ARL15: variants seen among roughly 807,000 people sequenced by gnomAD.
ARL15 encodes the protein ARF like GTPase 15.
A neutral mutation model predicts 25.2 loss-of-function variants in ARL15; 19 were observed. The ratio of observed to expected loss-of-function variants is 0.75; its 90% CI spans 0.53 to 1.10. ARL15 has a LOEUF of 1.10. Among genes scored for constraint, ARL15 ranks in the 50% least tolerant of loss-of-function variants. The pLI, the probability that ARL15 is intolerant of heterozygous loss-of-function variation, is 0.00. For synonymous variants in ARL15, 94 were observed against 86.8 expected, an observed-to-expected ratio of 1.08 and a Z score of -0.46; for missense variants, 220 against 246.0, an observed-to-expected ratio of 0.89 and a Z score of 0.71.
At chr5:54,069,851 T>C (rs1454274185) in intron 4 of ARL15, among the ~76,000 whole-genome samples, 1 of 151,446 alleles carries the variant, frequency 6.6e-6, no homozygotes, top group African/African-American at 2.4e-5. Context: ...TTTTTTGTAC[T>C]TTTAGTGGAG....
At chr5:53,967,273 G>A (rs1694104) in intron 4 of ARL15, among the ~76,000 whole-genome samples, 47,600 of 151,916 alleles carry the variant, frequency 0.31, 9,017 homozygotes, top group Middle Eastern at 0.46. Flanking sequence ...TTAGACTTCC[G>A]TGTACACACA....
intron 1 of ARL15, among the ~76,000 whole-genome samples, chr5:54,306,443 T>C (rs1468652270): frequency 1.3e-5 from 2 of 149,014 alleles, no homozygotes; most frequent in Non-Finnish European, 3.0e-5. Context: ...TCGCCCAGGC[T>C]GGAGTGCAGT....
At chr5:53,971,153 T>G (rs1239579878) in intron 4 of ARL15, among the ~76,000 whole-genome samples, 1 of 152,116 alleles carries the variant, frequency 6.6e-6, no homozygotes, top group Non-Finnish European at 1.5e-5. Flanking sequence ...AAGAAAAAAG[T>G]GAAGACTCAA....
At chr5:54,140,784 A>C (rs115435613) in intron 3 of ARL15, among the ~76,000 whole-genome samples, 2 of 152,222 alleles carry the variant, frequency 1.3e-5, no homozygotes, top group Non-Finnish European at 2.9e-5. Context: ...GACTTATAGA[A>C]GATCAGCTGA....
chr5:54,114,674 T>C (rs114338718), intron 3 of ARL15, among the ~76,000 whole-genome samples: 1 of 152,250 alleles, frequency 6.6e-6, no homozygotes, highest in Non-Finnish European at 1.5e-5. Flanking sequence ...TCCCTTGTCA[T>C]GTATCTAATA....
intron 1 of ARL15, among the ~76,000 whole-genome samples, chr5:54,282,834 T>C (rs1758094142): frequency 6.6e-6 from 1 of 152,218 alleles, no homozygotes; most frequent in South Asian, 2.1e-4. Flanking sequence ...CTGAGATCCT[T>C]GGTCTCAGAA....
At chr5:54,051,419 A>T (rs966230094) in intron 4 of ARL15, among the ~76,000 whole-genome samples, 3 of 152,220 alleles carry the variant, frequency 2.0e-5, no homozygotes, top group Admixed American at 6.5e-5. Flanking sequence ...CCTTTGCTTT[A>T]ATAGTTTAAC....
chr5:53,886,579 A>G lies in ARL15; in HGVS notation c.597T>C (p.His199=), dbSNP rs1234989018. Residue 199 remains histidine (H), a synonymous_variant, in exon 5 of 5, where the codon CAT becomes CAC. Transcript: ENST00000504924. ...CCAGATTTCACATTCTTACAGCTTC[A>G]TGGTCTTTTTCTTCTAACAAATTAA... ...QLINLLEEKD[H]EAVRM 1.3e-6 allele frequency: 2 copies of G among 1,561,970 alleles called. No homozygotes were observed. The highest frequency in any genetic ancestry group is 1.7e-6 in the Non-Finnish European group (2 of 1,151,670).
At chr5:54,291,076 A>C (rs920198531) in intron 1 of ARL15, among the ~76,000 whole-genome samples, 3 of 152,230 alleles carry the variant, frequency 2.0e-5, no homozygotes, top group South Asian at 2.1e-4. Flanking sequence ...AGGTTCAAAA[A>C]AATTTCTATT....
intron 4 of ARL15, among the ~76,000 whole-genome samples, chr5:53,908,920 T>A (rs1357724942): frequency 6.6e-6 from 1 of 152,176 alleles, no homozygotes; most frequent in Non-Finnish European, 1.5e-5. Context: ...AAAGTTGACA[T>A]CAGATGGAAG....
At chr5:54,176,732 C>G (rs1289104687) in intron 1 of ARL15, among the ~76,000 whole-genome samples, 2 of 152,216 alleles carry the variant, frequency 1.3e-5, no homozygotes, top group African/African-American at 4.8e-5. Context: ...AACATTTTAA[C>G]ACTCTCTGCC....
intron 1 of ARL15, among the ~76,000 whole-genome samples, chr5:54,251,104 C>T (rs1757225032): frequency 6.6e-6 from 1 of 151,486 alleles, no homozygotes; most frequent in Non-Finnish European, 1.5e-5. Flanking sequence ...CTAATTTGCA[C>T]AGAGGCTTAG....
intron 4 of ARL15, among the ~76,000 whole-genome samples, chr5:53,962,659 AG>A (rs1231943228): frequency 6.6e-6 from 1 of 152,176 alleles, no homozygotes; most frequent in Non-Finnish European, 1.5e-5. Context: ...AAAAGTAATG[AG>A]AAATAATTCA....
intron 4 of ARL15, among the ~76,000 whole-genome samples, chr5:53,897,108 A>T (rs970862052): frequency 1.3e-5 from 2 of 152,208 alleles, no homozygotes; most frequent in Non-Finnish European, 2.9e-5. Flanking sequence ...TGTATACTAT[A>T]AAATTCATCC....
At chr5:54,006,428 A>T (rs1749046905) in intron 4 of ARL15, among the ~76,000 whole-genome samples, 1 of 148,530 alleles carries the variant, frequency 6.7e-6, no homozygotes, top group South Asian at 2.1e-4. Flanking sequence ...AACAAAAAAG[A>T]TTTTTTTTTT....
intron 4 of ARL15, among the ~76,000 whole-genome samples, chr5:53,953,707 G>A (rs1029174119): frequency 6.6e-6 from 1 of 152,126 alleles, no homozygotes; most frequent in South Asian, 2.1e-4. Context: ...TGAAGGAAGA[G>A]GAGGTGTCAG....
intron 1 of ARL15, among the ~76,000 whole-genome samples, chr5:54,194,884 C>T (rs189063042): frequency 3.9e-5 from 6 of 152,308 alleles, no homozygotes; most frequent in East Asian, 1.9e-4. Context: ...GCTTTACCAA[C>T]TTCCCAAGAG....
At chr5:54,279,178 T>A (rs1436999280) in intron 1 of ARL15, among the ~76,000 whole-genome samples, 2 of 152,078 alleles carry the variant, frequency 1.3e-5, no homozygotes, top group Non-Finnish European at 2.9e-5. Flanking sequence ...TAACTCAGCA[T>A]TTCTTTGCAA....
rs1744477478 is a variant in ARL15 at position 53,885,133 on chromosome 5, G to A, written c.*1428C>T. On this transcript the variant is annotated 3_prime_UTR_variant, in exon 5 of 5. Transcript: ENST00000504924. ...AGGTATTACATCATTCTGTAATATA[G>A]TGTGAGTCTGTGGTATTTGGGTATC... 1.3e-5 allele frequency: 2 copies of A among 152,562 alleles called. No individual in the cohort carries two copies. The highest frequency in any genetic ancestry group is 4.1e-4 in the South Asian group (2 of 4,820). 9.5% of individuals were successfully genotyped at this position (152,562 alleles called of 1,614,324 possible).
Sources: allele counts gnomAD v4.1 joint callset (sites outside exome capture counted in the v4.1 genomes callset), GRCh38; gene constraint gnomAD v4.1.1; transcripts MANE v1.5; gene names NCBI Gene and HGNC (gene_info 2026-07-23, HGNC 2026-07-21).